Variants in BBX observed in about 807,000 individuals in gnomAD.
BBX encodes the protein BBX high mobility group box domain containing.
Under a neutral mutation model 100.2 loss-of-function variants are expected in BBX, and 30 were observed. The ratio of observed to expected loss-of-function variants is 0.30; its 90% CI spans 0.22 to 0.41. The LOEUF (loss-of-function observed/expected upper bound fraction) is 0.41, where lower values mean the gene tolerates loss of function less well. Ranked by LOEUF, BBX falls within the 10% of genes least tolerant of loss-of-function variation. BBX has a pLI of 1.00. For missense variants in BBX, 1,023 were observed against 1,129.8 expected, an observed-to-expected ratio of 0.91 and a Z score of 1.35; for synonymous variants, 376 against 388.1, an observed-to-expected ratio of 0.97 and a Z score of 0.37.
chr3:107,664,951 A>G (rs1008859949), intron 3 of BBX, among the ~76,000 whole-genome samples: 5 of 152,142 alleles, frequency 3.3e-5, no homozygotes, highest in Non-Finnish European at 7.4e-5. Flanking sequence ...TTGTTAGCCA[A>G]TGATTCTTTT....
intron 2 of BBX, among the ~76,000 whole-genome samples, chr3:107,541,318 AT>A (rs1008374034): frequency 2.0e-5 from 3 of 151,804 alleles, no homozygotes; most frequent in East Asian, 1.9e-4. Context: ...TTGAGCTAAA[AT>A]TTTTTTTTCT....
intron 3 of BBX, among the ~76,000 whole-genome samples, chr3:107,665,695 G>A (rs2058702612): frequency 6.6e-6 from 1 of 152,158 alleles, no homozygotes; most frequent in Admixed American, 6.5e-5. Flanking sequence ...TAATGTCTGA[G>A]TTCTGCCTTC....
intron 2 of BBX, among the ~76,000 whole-genome samples, chr3:107,621,140 C>A (rs13092444): frequency 1.6e-4 from 25 of 152,242 alleles, no homozygotes; most frequent in Non-Finnish European, 3.1e-4. Context: ...CAGTTACTGT[C>A]TAAAAGTTTT....
At chr3:107,767,822 T>A (rs1377813666) in intron 10 of BBX, among the ~76,000 whole-genome samples, 1 of 151,984 alleles carries the variant, frequency 6.6e-6, no homozygotes, top group Non-Finnish European at 1.5e-5. Flanking sequence ...TTTCCTTGGC[T>A]CCTATGTCCC....
chr3:107,538,474 G>C (rs1325215257), intron 2 of BBX, among the ~76,000 whole-genome samples: 1 of 152,008 alleles, frequency 6.6e-6, no homozygotes, highest in Non-Finnish European at 1.5e-5. Flanking sequence ...CAGCTAGATG[G>C]CTTTTAAGTC....
intron 3 of BBX, among the ~76,000 whole-genome samples, chr3:107,694,970 A>G (rs2060475682): frequency 6.6e-6 from 1 of 151,388 alleles, no homozygotes; most frequent in Admixed American, 6.6e-5. Flanking sequence ...TATATTTTCT[A>G]GTTTATTTGT....
In BBX at chr3:107,744,635, C is replaced by G. The variant is rs183760015; in HGVS notation, c.675C>G (p.Ser225=). Residue 225 remains serine (S), a synonymous_variant, in exon 8 of 18, where the codon TCC becomes TCG. Transcript: ENST00000325805. ...GEHALGTPEV[S]SGTCRPDVSE... is the part of the protein sequence containing the mutation. The stretch of plus-strand genomic sequence containing the variant: ...GATATCTTTCTTTGTTTCAGGTATC[C>G]TCTGGCACATGCAGGCCTGATGTTT... The G allele has an allele frequency of 2.5e-6, 4 of 1,612,274 alleles. No homozygotes were observed. Among genetic ancestry groups the G allele is most frequent in the Non-Finnish European group, 3.4e-6 (4 of 1,178,614 alleles).
chr3:107,581,960 T>C (rs759836818), intron 2 of BBX, among the ~76,000 whole-genome samples: 1 of 152,156 alleles, frequency 6.6e-6, no homozygotes, highest in Non-Finnish European at 1.5e-5. Context: ...ATTTGTAAAA[T>C]ATTTACTTTA....
At chr3:107,750,729 A>T (rs2065017661) in intron 9 of BBX, among the ~76,000 whole-genome samples, 1 of 152,244 alleles carries the variant, frequency 6.6e-6, no homozygotes, top group Admixed American at 6.5e-5. Context: ...AGATGAACTA[A>T]GAAAAATATC....
rs2054170682 is a variant in BBX, at chr3:107,603,045, G to A, written c.-83-42791G>A. Among the ~76,000 whole-genome samples the A allele has an allele frequency of 2.0e-5, 3 of 151,342 alleles. No homozygotes were observed. The South Asian group carries it at 6.3e-4, about 32-fold the overall frequency. On this transcript the variant is annotated intron_variant, in intron 2 of 17. Transcript: ENST00000325805. ...GTGGCACAATCTCAGCTCACTGCAAGCTCCACCTCCCAGGTTCACGCCATT... is the reference window on the plus strand; with the variant it reads ...GTGGCACAATCTCAGCTCACTGCAAACTCCACCTCCCAGGTTCACGCCATT...
At chr3:107,616,005 C>CTTTTTTTTTTTTTT (rs59614452) in intron 2 of BBX, among the ~76,000 whole-genome samples, 3 of 19,248 alleles carry the variant, frequency 1.6e-4, no homozygotes, top group African/African-American at 2.5e-4. Context: ...TACTCACCTG[C>CTTTTTTTTTTTTTT]TTTTTTTTTT....
At chr3:107,566,799 C>T (rs1001567745) in intron 2 of BBX, among the ~76,000 whole-genome samples, 1 of 151,932 alleles carries the variant, frequency 6.6e-6, no homozygotes, top group South Asian at 2.1e-4. Context: ...TTATTACATT[C>T]TTTTATCCTA....
intron 9 of BBX, among the ~76,000 whole-genome samples, chr3:107,750,674 A>G (rs1560092972): frequency 6.6e-6 from 1 of 152,194 alleles, no homozygotes; most frequent in Non-Finnish European, 1.5e-5. Flanking sequence ...ATATTGTCAG[A>G]CTAATACTGG....
At chr3:107,610,546 T>TA (rs2054771191) in intron 2 of BBX, among the ~76,000 whole-genome samples, 1 of 152,128 alleles carries the variant, frequency 6.6e-6, no homozygotes, top group African/African-American at 2.4e-5. Context: ...CATATGTATT[T>TA]ACAATTATTA....
chr3:107,582,642 GT>G (rs1383025879), intron 2 of BBX, among the ~76,000 whole-genome samples: 1 of 151,970 alleles, frequency 6.6e-6, no homozygotes, highest in African/African-American at 2.4e-5. Flanking sequence ...CCTTAAATCT[GT>G]TGGCATATAA....
At chr3:107,561,924 A>G (rs2050528635) in intron 2 of BBX, among the ~76,000 whole-genome samples, 1 of 152,212 alleles carries the variant, frequency 6.6e-6, no homozygotes, top group Non-Finnish European at 1.5e-5. Context: ...TTCTTTTTCA[A>G]AAATGTAAAG....
At chr3:107,711,960 C>T (rs566744325) in intron 4 of BBX, among the ~76,000 whole-genome samples, 126 of 152,250 alleles carry the variant, frequency 8.3e-4, no homozygotes, top group African/African-American at 2.9e-3. Flanking sequence ...TAGCTTCCAT[C>T]CACCTCCCAG....
At chr3:107,694,819 T>C (rs1374962697) in intron 3 of BBX, among the ~76,000 whole-genome samples, 7 of 151,562 alleles carry the variant, frequency 4.6e-5, no homozygotes, top group Non-Finnish European at 1.0e-4. Flanking sequence ...TGAATCCATC[T>C]GGTCCTGGAC....
At chr3:107,786,644 TTAGAA>T (rs1267663903) in intron 13 of BBX, among the ~76,000 whole-genome samples, 1 of 152,124 alleles carries the variant, frequency 6.6e-6, no homozygotes, top group Non-Finnish European at 1.5e-5. Context: ...AAAATTTAAC[TTAGAA>T]TAGATCAAAA....
Sources: allele counts gnomAD v4.1 joint callset (sites outside exome capture counted in the v4.1 genomes callset), GRCh38; gene constraint gnomAD v4.1.1; transcripts MANE v1.5; gene names NCBI Gene and HGNC (gene_info 2026-07-23, HGNC 2026-07-21).